Variants in AKAP9 observed in about 807,000 individuals in gnomAD.
The protein encoded by AKAP9 is A-kinase anchoring protein 9.
In AKAP9, 311 loss-of-function variants were observed where a neutral mutation model predicts 488.5. The observed-to-expected ratio is 0.64, with a 90% confidence interval of 0.58 to 0.70. The LOEUF (loss-of-function observed/expected upper bound fraction) is 0.70, where lower values mean the gene tolerates loss of function less well. Ranked by LOEUF, AKAP9 falls within the 30% of genes least tolerant of loss-of-function variation. The pLI is 0.00. For synonymous variants in AKAP9, 1,462 were observed against 1,483.5 expected, an observed-to-expected ratio of 0.99 and a Z score of 0.33; for missense variants, 4,215 against 4,374.5, an observed-to-expected ratio of 0.96 and a Z score of 1.03.
In AKAP9 at chr7:91,978,830, C is replaced by T. The variant is rs772694372; in HGVS notation, c.307-1459C>T. Among the ~76,000 whole-genome samples the T allele has an allele frequency of 4.5e-4, 68 of 151,684 alleles. 1 individual carries two copies. Among genetic ancestry groups the T allele is most frequent in the Non-Finnish European group, 9.3e-4 (63 of 67,974 alleles). ...AGAGTGCAATGGCATGATCTTGGTT[C>T]ACCACAAGCTCTCCCTTCCAGGCCC... On this transcript the variant is annotated intron_variant, in intron 2 of 49. Transcript: ENST00000356239.
rs553762811 is a variant in AKAP9 at position 92,037,913 on chromosome 7, T to C, written c.4339-506T>C. Among the ~76,000 whole-genome samples, 22 of 152,338 alleles carry C rather than the reference T, an allele frequency of 1.4e-4. No individual in the cohort carries two copies. In the South Asian group the frequency reaches 4.1e-3, roughly 29 times the overall value. On this transcript the variant is annotated intron_variant, in intron 16 of 49. Coordinates refer to ENST00000356239, the MANE Select transcript of AKAP9 (RefSeq NM_005751.5). The stretch of plus-strand genomic sequence containing the variant: ...TATGTAATATGAAACTTTGAACCCA[T>C]TGGAAATTACATAGAAATGTATTTC...
intron 45 of AKAP9, 82 bp downstream of exon 45, chr7:92,101,138 A>T (rs933415516): frequency 4.3e-6 from 6 of 1,402,600 alleles, no homozygotes; most frequent in Non-Finnish European, 5.8e-6. Context: ...TTAAATAAAC[A>T]GTCTAAAGAA....
rs956614751 is a variant in AKAP9, at chr7:92,001,115, A to G, written c.1198A>G (p.Thr400Ala). The G allele has an allele frequency of 1.2e-6, 2 of 1,614,048 alleles. No homozygotes were observed. The highest frequency in any genetic ancestry group is 1.7e-6 in the Non-Finnish European group (2 of 1,179,974). The change falls in exon 8 of 50, where the codon ACA becomes GCA. Residue 400 changes from threonine to alanine, a missense_variant. Transcript: ENST00000356239. ...TGAAGAAATAAAACAGTTAATGGGGACAGTCGAAGAACTTCAGAAGAGAAA... is the reference window on the plus strand; with the variant it reads ...TGAAGAAATAAAACAGTTAATGGGGGCAGTCGAAGAACTTCAGAAGAGAAA... ...SSEEIKQLMGTVEELQKRNHK... is the reference protein window; with the variant it reads ...SSEEIKQLMGAVEELQKRNHK...
At chr7:92,068,241 C>G (rs1811076139) in intron 26 of AKAP9, among the ~76,000 whole-genome samples, 1 of 151,462 alleles carries the variant, frequency 6.6e-6, no homozygotes, top group East Asian at 1.9e-4. Flanking sequence ...TGGCGGGCAC[C>G]TGTAGTCCTA....
chr7:92,044,874 G>T, intron 20 of AKAP9, 134 bp from the exon 21 acceptor site: 1 of 493,176 alleles, frequency 2.0e-6, no homozygotes, highest in Non-Finnish European at 3.4e-6. Context: ...AGATGCTATT[G>T]GGTATTTTAA....
chr7:91,999,854 G>GTTCATTCA (rs34314890), intron 7 of AKAP9, among the ~76,000 whole-genome samples: 518 of 151,394 alleles, frequency 3.4e-3, no homozygotes, highest in African/African-American at 9.8e-3. Flanking sequence ...CTTTAGTTAT[G>GTTCATTCA]TTCATTCATT....
intron 1 of AKAP9, among the ~76,000 whole-genome samples, chr7:91,967,471 A>G (rs1195810913): frequency 1.3e-5 from 2 of 152,132 alleles, no homozygotes; most frequent in Non-Finnish European, 2.9e-5. Context: ...ACTTTGAGGT[A>G]TGCATCTTCT....
Position 92,082,620 on chromosome 7 carries a change from C to A in AKAP9, c.8118C>A (p.Ala2706=). Residue 2706 remains alanine (A), a synonymous_variant, in exon 32 of 50, where the codon GCC becomes GCA. Coordinates refer to ENST00000356239, the MANE Select transcript of AKAP9 (RefSeq NM_005751.5). ...CAGTGGCTACCAAAGCAGAACTTGCCAGTTATAAAGAAAAGGCTGAAAAAC... is the reference window on the plus strand; with the variant it reads ...CAGTGGCTACCAAAGCAGAACTTGCAAGTTATAAAGAAAAGGCTGAAAAAC... ...AESVATKAEL[A]SYKEKAEKLQ... 1 of 1,613,892 alleles carries A rather than the reference C, an allele frequency of 6.2e-7. No homozygotes were observed. Among genetic ancestry groups the A allele is most frequent in the South Asian group, 1.1e-5 (1 of 91,070 alleles).
At chr7:92,058,202 A>C (rs1809142579) in intron 22 of AKAP9, 1 of 593,680 alleles carries the variant, frequency 1.7e-6, no homozygotes, top group Admixed American at 1.9e-5. Context: ...GGCAACTGTC[A>C]AAGTCAGTGG....
At chr7:92,090,587 A>C (rs928582237) in intron 38 of AKAP9, 3 of 149,260 alleles carry the variant, frequency 2.0e-5, no homozygotes, top group Non-Finnish European at 4.4e-5. Context: ...ACACCACTGC[A>C]CTCTAGCCTG....
At position 91,973,917 on chromosome 7, in the gene AKAP9, A is replaced by T; in HGVS notation, c.255A>T (p.Arg85Ser). 6.2e-7 allele frequency: 1 copy of T among 1,614,078 alleles called. No homozygotes were observed. The highest frequency in any genetic ancestry group is 1.1e-5 in the South Asian group (1 of 91,074). ...STVIPESTIM[R>S]TLHSGEITSH... Reference sequence around the variant, plus strand: ...TGATTCCTGAATCTACAATAATGAGAACTCTACATAGTGGAGAAATAACCA... The same window carrying T: ...TGATTCCTGAATCTACAATAATGAGTACTCTACATAGTGGAGAAATAACCA... The change falls in exon 2 of 50, where the codon AGA becomes AGT. Residue 85 changes from arginine to serine, a missense_variant. Physicochemically the swap from Arg to Ser is moderately radical, Grantham distance 110 (BLOSUM62 -1). Around this residue, in one of 5 missense-constraint regions of AKAP9, gnomAD observed 2,361 missense variants for 2,430.0 expected, o/e 0.97. Coordinates refer to ENST00000356239, the MANE Select transcript of AKAP9 (RefSeq NM_005751.5).
Position 92,102,611 on chromosome 7 carries a change from C to T in AKAP9, c.11115C>T (p.Tyr3705=). The change falls in exon 46 of 50, where the codon TAC becomes TAT. Residue 3705 remains tyrosine, a synonymous_variant. Coordinates refer to ENST00000356239, the MANE Select transcript of AKAP9 (RefSeq NM_005751.5). ...HVTLKRIYGK[Y]LRAESFRKAL... ...AAATATAGAGAATTTATGGTAAATA[C>T]TTGAGGGCAGAAAGTTTTCGAAAGG... is the stretch of plus-strand genomic sequence containing the variant. 1 of 1,614,026 alleles carries T rather than the reference C, an allele frequency of 6.2e-7. No homozygotes were observed. Among genetic ancestry groups the T allele is most frequent in the South Asian group, 1.1e-5 (1 of 91,082 alleles).
intron 25 of AKAP9, 142 bp from the exon 26 acceptor site, chr7:92,066,285 C>G (rs1207100156): frequency 3.8e-6 from 4 of 1,058,694 alleles, no homozygotes; most frequent in Non-Finnish European, 5.5e-6. Context: ...TCTTTTAAAA[C>G]TTTTGTGATT....
At position 92,080,012 on chromosome 7, in the gene AKAP9, G is replaced by A; in HGVS notation, c.7879G>A (p.Glu2627Lys). The change falls in exon 31 of 50, where the codon GAA becomes AAA. Residue 2627 changes from glutamate to lysine, a missense_variant. Glu to Lys is a moderately conservative substitution (Grantham distance 56). Coordinates refer to ENST00000356239, the MANE Select transcript of AKAP9 (RefSeq NM_005751.5). ...GCATACTAGTTTGATTTTAGAAAAA[G>A]AACAAGTAGAAATTGCAGAAAAAAA... ...EMHTSLILEKEQVEIAEKNVL... is the reference protein window; with the variant it reads ...EMHTSLILEKKQVEIAEKNVL... The A allele has an allele frequency of 6.4e-7, 1 of 1,560,346 alleles. No homozygotes were observed. Among genetic ancestry groups the A allele is most frequent in the Non-Finnish European group, 8.6e-7 (1 of 1,162,634 alleles).
At position 92,031,956 on chromosome 7, in the gene AKAP9, A is replaced by G. The variant is rs555373735; in HGVS notation, c.4338+352A>G. Among the ~76,000 whole-genome samples the G allele has an allele frequency of 3.9e-5, 6 of 152,308 alleles. No individual in the cohort carries two copies. The East Asian group carries it at 9.6e-4, about 24-fold the overall frequency. On this transcript the variant is annotated intron_variant, in intron 16 of 49. Coordinates refer to ENST00000356239, the MANE Select transcript of AKAP9 (RefSeq NM_005751.5). ...TCCTCTGTATATATTATCTGTATCT[A>G]TTTCCAATCAGAGAAGTTTTGTTAG...
chr7:91,984,455 T>C (rs1445901955), intron 3 of AKAP9, among the ~76,000 whole-genome samples: 2 of 152,210 alleles, frequency 1.3e-5, no homozygotes, highest in Non-Finnish European at 2.9e-5. Context: ...TGTAGTGTTA[T>C]TTCTGAGGCC....
In AKAP9 at chr7:92,079,823, G is replaced by C; in HGVS notation, c.7690G>C (p.Val2564Leu). ...TGTCAGTCAAATCCAACTTGAGGCA[G>C]TTCAGGAATATGCAAAATTCTGTCA... is the stretch of plus-strand genomic sequence containing the variant. ...ALVSQIQLEA[V>L]QEYAKFCQDN... Residue 2564 changes from valine (V) to leucine (L), a missense_variant, in exon 31 of 50, where the codon GTT becomes CTT. Val to Leu is a conservative substitution (Grantham distance 32). Coordinates refer to ENST00000356239, the MANE Select transcript of AKAP9 (RefSeq NM_005751.5). 1 of 1,614,064 alleles carries C rather than the reference G, an allele frequency of 6.2e-7. No homozygotes were observed. Among genetic ancestry groups the C allele is most frequent in the Non-Finnish European group, 8.5e-7 (1 of 1,179,994 alleles).
Position 92,045,293 on chromosome 7 carries a change from A to G in AKAP9, c.5368+80A>G, listed in dbSNP as rs1806780552. On this transcript the variant is annotated intron_variant, in intron 21 of 49. Coordinates refer to ENST00000356239, the MANE Select transcript of AKAP9 (RefSeq NM_005751.5). ...AGGCATTTTGCCATGTGTTGAAAAT[A>G]TAGAAGAGAAAATAAGTATTTTCCA... is the stretch of plus-strand genomic sequence containing the variant. The G allele has an allele frequency of 8.0e-6, 11 of 1,370,248 alleles. No individual in the cohort carries two copies. The South Asian group carries it at 1.3e-4, about 16-fold the overall frequency. The allele number at this position is 1,370,248 out of a possible 1,614,324, so 84.9% of individuals were successfully genotyped here.
intron 1 of AKAP9, among the ~76,000 whole-genome samples, chr7:91,967,634 G>A (rs999931565): frequency 2.6e-5 from 4 of 152,072 alleles, no homozygotes; most frequent in Admixed American, 2.6e-4. Flanking sequence ...CTATCCTTGT[G>A]TCTTTGGGAT....
Sources: gnomAD v4.1 joint callset for allele counts (sites outside exome capture counted in the v4.1 genomes callset) on GRCh38, gnomAD v4.1.1 for gene constraint, gnomAD v4.1.1 regional missense constraint, MANE v1.5 for transcripts, NCBI Gene and HGNC (gene_info 2026-07-23, HGNC 2026-07-21) for gene names.